Variants in GPC6 observed in about 807,000 individuals in gnomAD.
GPC6 encodes glypican 6, also known as glypican-6.
Under a neutral mutation model 55.2 loss-of-function variants are expected in GPC6, and 14 were observed. That is an observed-to-expected ratio of 0.25 (90% CI 0.17 to 0.40). GPC6 has a LOEUF of 0.40. Among genes scored for constraint, GPC6 ranks in the 10% least tolerant of loss-of-function variants. GPC6 has a pLI of 1.00. For missense variants in GPC6, 641 were observed against 708.5 expected, an observed-to-expected ratio of 0.90 and a Z score of 1.08; for synonymous variants, 278 against 259.6, an observed-to-expected ratio of 1.07 and a Z score of -0.68.
intron 2 of GPC6, among the ~76,000 whole-genome samples, chr13:93,725,594 G>A (rs770891104): frequency 6.6e-6 from 1 of 151,958 alleles, no homozygotes; most frequent in African/African-American, 2.4e-5. Flanking sequence ...TAAAGATTTG[G>A]TCAGTTCATC....
At chr13:93,277,017 A>T (rs1045188210) in intron 1 of GPC6, among the ~76,000 whole-genome samples, 10 of 152,212 alleles carry the variant, frequency 6.6e-5, no homozygotes, top group Non-Finnish European at 1.2e-4. Context: ...GAAACCAGAA[A>T]TGGAGTCATT....
At chr13:94,382,642 A>G (rs1431340312) in intron 7 of GPC6, 92 bp downstream of exon 7, 2 of 1,539,198 alleles carry the variant, frequency 1.3e-6, no homozygotes, top group Admixed American at 1.7e-5. Flanking sequence ...CTGTTTATGC[A>G]AAAAGCAACA....
At chr13:93,964,362 GCCGTAAAAGGAGC>G (rs1879924443) in intron 3 of GPC6, among the ~76,000 whole-genome samples, 1 of 152,116 alleles carries the variant, frequency 6.6e-6, no homozygotes, top group South Asian at 2.1e-4. Flanking sequence ...GTAAAAAAAG[GCCGTAAAAGGAGC>G]CCATTATTAT....
intron 4 of GPC6, among the ~76,000 whole-genome samples, chr13:94,223,953 CCTT>C (rs773193273): frequency 1.6e-3 from 251 of 152,242 alleles, no homozygotes; most frequent in Non-Finnish European, 2.2e-3. Flanking sequence ...CAGAGCTCTG[CCTT>C]CTTGTTTCGG....
At chr13:94,250,595 T>C (rs1005403298) in intron 4 of GPC6, among the ~76,000 whole-genome samples, 7 of 152,100 alleles carry the variant, frequency 4.6e-5, no homozygotes, top group East Asian at 1.9e-4. Context: ...TTTCTCCCAA[T>C]AGAAGTAGAA....
At chr13:93,983,103 T>A (rs549599789) in intron 3 of GPC6, among the ~76,000 whole-genome samples, 7 of 152,270 alleles carry the variant, frequency 4.6e-5, no homozygotes, top group Admixed American at 2.6e-4. Flanking sequence ...TAAATATATA[T>A]TTATAAGCAA....
At chr13:93,428,690 C>A (rs1401453128) in intron 1 of GPC6, among the ~76,000 whole-genome samples, 3 of 152,130 alleles carry the variant, frequency 2.0e-5, no homozygotes, top group Non-Finnish European at 4.4e-5. Flanking sequence ...ATTAGATCAT[C>A]TCTTTCCATC....
chr13:94,341,709 AG>A (rs1235563217), intron 6 of GPC6, among the ~76,000 whole-genome samples: 1 of 152,238 alleles, frequency 6.6e-6, no homozygotes, highest in Non-Finnish European at 1.5e-5. Flanking sequence ...TAAAATTCAA[AG>A]GAAAATATCT....
chr13:94,224,582 C>G (rs1267979465), intron 4 of GPC6, among the ~76,000 whole-genome samples: 1 of 151,814 alleles, frequency 6.6e-6, no homozygotes, highest in Non-Finnish European at 1.5e-5. Flanking sequence ...TGGATGGATG[C>G]CTGATAATTT....
intron 3 of GPC6, among the ~76,000 whole-genome samples, chr13:93,959,874 G>A (rs537294075): frequency 2.4e-4 from 36 of 152,278 alleles, no homozygotes; most frequent in African/African-American, 8.2e-4. Context: ...TCAAGATCAC[G>A]CAGCTAGTAA....
At chr13:94,120,802 T>C (rs1886606331) in intron 4 of GPC6, among the ~76,000 whole-genome samples, 1 of 152,018 alleles carries the variant, frequency 6.6e-6, no homozygotes, top group South Asian at 2.1e-4. Context: ...ATGAATCAGG[T>C]GTTCAGGAGA....
intron 6 of GPC6, among the ~76,000 whole-genome samples, chr13:94,362,966 T>C (rs1458999741): frequency 6.6e-6 from 1 of 152,196 alleles, no homozygotes; most frequent in Admixed American, 6.5e-5. Flanking sequence ...GGTGGTTTGC[T>C]GCACCTATCA....
At chr13:93,686,989 C>T (rs1335797882) in intron 2 of GPC6, among the ~76,000 whole-genome samples, 3 of 151,842 alleles carry the variant, frequency 2.0e-5, no homozygotes, top group Non-Finnish European at 2.9e-5. Flanking sequence ...TTTTATTTTT[C>T]TAAGGTCACA....
At chr13:93,219,058 G>A in the GPC6 span, among the ~76,000 whole-genome samples, 25 of 149,982 alleles carry the variant, frequency 1.7e-4, no homozygotes, top group African/African-American at 6.1e-4. Context: ...TCATCAACCT[G>A]GCTGTTTTCT....
intron 3 of GPC6, among the ~76,000 whole-genome samples, chr13:93,952,333 C>T (rs1053886952): frequency 1.8e-4 from 27 of 151,928 alleles, no homozygotes; most frequent in East Asian, 1.2e-3. Flanking sequence ...GAACATATTA[C>T]GTGGGAAAGA....
intron 2 of GPC6, among the ~76,000 whole-genome samples, chr13:93,603,823 T>C (rs919245621): frequency 1.3e-5 from 2 of 152,238 alleles, no homozygotes; most frequent in African/African-American, 4.8e-5. Flanking sequence ...GATACTTTTT[T>C]AAATGTCTTC....
intron 1 of GPC6, among the ~76,000 whole-genome samples, chr13:93,273,164 A>G (rs1877597967): frequency 6.6e-6 from 1 of 152,180 alleles, no homozygotes; most frequent in South Asian, 2.1e-4. Flanking sequence ...GTTCTCTCTG[A>G]CATCTAGGAA....
At chr13:93,540,491 T>C (rs1251139694) in intron 1 of GPC6, among the ~76,000 whole-genome samples, 1 of 152,100 alleles carries the variant, frequency 6.6e-6, no homozygotes, top group Non-Finnish European at 1.5e-5. Context: ...ATATATTTAT[T>C]TTTTGTCTCC....
intron 2 of GPC6, among the ~76,000 whole-genome samples, chr13:93,647,198 A>G (rs1880211591): frequency 1.3e-5 from 2 of 152,200 alleles, no homozygotes; most frequent in East Asian, 3.8e-4. Context: ...TCCTACAAGT[A>G]TTCTAAGACT....
Sources: gnomAD v4.1 joint callset for allele counts (sites outside exome capture counted in the v4.1 genomes callset) on GRCh38, gnomAD v4.1.1 for gene constraint, MANE v1.5 for transcripts, NCBI Gene and HGNC (gene_info 2026-07-23, HGNC 2026-07-21) for gene names.